The following GASK1A variants were observed in gnomAD, a reference collection of about 807,000 sequenced individuals.
GASK1A encodes the protein Golgi-associated kinase 1A.
In GASK1A, 40 loss-of-function variants were observed where a neutral mutation model predicts 41.2. The observed-to-expected ratio is 0.97, with a 90% CI of 0.75 to 1.27. The LOEUF (loss-of-function observed/expected upper bound fraction) is 1.27. GASK1A is among the 50% of genes most tolerant of loss of function. The pLI, the probability that GASK1A is intolerant of heterozygous loss-of-function variation, is 0.00. For missense variants in GASK1A, 678 were observed against 745.1 expected (o/e 0.91, Z 1.05); for synonymous variants, 316 against 307.1 (o/e 1.03, Z -0.30).
At chr3:43,015,508 G>T (rs996587325) in intron 1 of GASK1A, among the ~76,000 whole-genome samples, 2 of 150,206 alleles carry the variant, frequency 1.3e-5, no homozygotes, top group Admixed American at 6.6e-5. Context: ...GGGGCAGTGT[G>T]AAGCCATAGG....
At chr3:43,001,217 AC>A (rs2089407027) in intron 1 of GASK1A, among the ~76,000 whole-genome samples, 1 of 151,898 alleles carries the variant, frequency 6.6e-6, no homozygotes, top group Non-Finnish European at 1.5e-5. Context: ...CAGAAAGCCG[AC>A]CCCGGGTCAT....
chr3:43,054,108 C>G (rs1347378644), intron 3 of GASK1A: 2 of 282,578 alleles, frequency 7.1e-6, no homozygotes, highest in Admixed American at 4.6e-5. Flanking sequence ...AAACTAGAGT[C>G]CAGGGTGGGA....
intron 2 of GASK1A, 127 bp downstream of exon 2, chr3:43,033,680 G>A (rs1187293626): frequency 3.0e-5 from 25 of 840,184 alleles, no homozygotes; most frequent in Non-Finnish European, 3.6e-5. Context: ...TGACCACCAA[G>A]CACCTGCTTT....
intron 1 of GASK1A, among the ~76,000 whole-genome samples, chr3:43,023,611 C>T (rs1001454000): frequency 1.3e-5 from 2 of 152,144 alleles, no homozygotes; most frequent in Admixed American, 6.6e-5. Flanking sequence ...TTTAACAGTG[C>T]ATATCTATGC....
chr3:43,034,766 G>A (rs931205608), intron 2 of GASK1A, among the ~76,000 whole-genome samples: 35 of 152,310 alleles, frequency 2.3e-4, no homozygotes, highest in African/African-American at 7.9e-4. Context: ...TTGAAAAATT[G>A]GATGGTTTAG....
intron 1 of GASK1A, among the ~76,000 whole-genome samples, chr3:42,989,140 T>A (rs754565288): frequency 6.6e-6 from 1 of 152,044 alleles, no homozygotes; most frequent in Non-Finnish European, 1.5e-5. Context: ...AGGAGATGAA[T>A]GAACTGCAGC....
chr3:43,055,392 C>A (rs1332070760), intron 3 of GASK1A, 40 bp from the exon 4 acceptor site: 2 of 1,465,504 alleles, frequency 1.4e-6, no homozygotes, highest in South Asian at 2.4e-5. Context: ...CGTAGCTGCA[C>A]CCTTACCCAC....
At chr3:42,994,606 A>G (rs1392851966) in intron 1 of GASK1A, among the ~76,000 whole-genome samples, 2 of 151,766 alleles carry the variant, frequency 1.3e-5, no homozygotes, top group Admixed American at 1.3e-4. Context: ...CAAGCAGAAC[A>G]TTTTCTTTGT....
At chr3:42,985,864 A>T (rs941282535) in intron 1 of GASK1A, among the ~76,000 whole-genome samples, 3 of 152,190 alleles carry the variant, frequency 2.0e-5, no homozygotes, top group African/African-American at 7.2e-5. Flanking sequence ...ATTGGTCAGG[A>T]TGCCAGCAAC....
chr3:42,979,787 G>GGGC (rs1282865179), intron 1 of GASK1A, 142 bp downstream of exon 1: 4 of 843,576 alleles, frequency 4.7e-6, no homozygotes, highest in Non-Finnish European at 4.8e-6. Context: ...AAGTTGCATG[G>GGGC]GGCGGCGGCG....
At position 42,979,530 on chromosome 3, in the gene GASK1A, C is replaced by G; in HGVS notation, c.-113C>G. 3 of 1,141,304 alleles carry G rather than the reference C, an allele frequency of 2.6e-6. No homozygotes were observed. The highest frequency in any genetic ancestry group is 8.8e-5 in the South Asian group (2 of 22,674). 70.7% of individuals were successfully genotyped at this position (1,141,304 alleles called of 1,614,324 possible). ...GAAACCCGCCCCAGCCGAGTAGCCG[C>G]GCATCCTGGGAAGCCTGGCGAGCCA... On this transcript the variant is annotated 5_prime_UTR_variant, in exon 1 of 5. Coordinates refer to ENST00000430121, the MANE Select transcript of GASK1A (RefSeq NM_001129908.3).
intron 1 of GASK1A, among the ~76,000 whole-genome samples, chr3:42,992,370 G>C (rs1160048175): frequency 6.6e-6 from 1 of 152,166 alleles, no homozygotes; most frequent in African/African-American, 2.4e-5. Flanking sequence ...GCAATACCAG[G>C]GCCTCCTTGT....
rs1236816837 is a variant in GASK1A at position 43,032,724 on chromosome 3, C to G, written c.461C>G (p.Pro154Arg). Residue 154 changes from proline (P) to arginine (R), a missense_variant, in exon 2 of 5, where the codon CCC becomes CGC. Pro to Arg is a moderately radical substitution (Grantham distance 103). Transcript: ENST00000430121. ...CCAGGAACCAAAGACCTGGGCCACC[C>G]CCAGCATGGCAGTCCCATCCAGGAG... ...GDPGTKDLGH[P>R]QHGSPIQETQ... is the part of the protein sequence containing the mutation. The G allele has an allele frequency of 6.4e-7, 1 of 1,551,526 alleles. No homozygotes were observed.
chr3:43,043,738 G>C (rs1258507712), intron 2 of GASK1A, among the ~76,000 whole-genome samples: 1 of 152,120 alleles, frequency 6.6e-6, no homozygotes, highest in Non-Finnish European at 1.5e-5. Context: ...CAGTCCACAT[G>C]ATTATGTAAC....
intron 2 of GASK1A, among the ~76,000 whole-genome samples, chr3:43,044,647 G>C (rs528703373): frequency 8.5e-5 from 13 of 152,234 alleles, no homozygotes; most frequent in South Asian, 6.2e-4. Context: ...CTTCAAACTG[G>C]GGGTCACAAA....
At chr3:43,047,625 A>G (rs1436203111) in intron 2 of GASK1A, among the ~76,000 whole-genome samples, 1 of 152,074 alleles carries the variant, frequency 6.6e-6, no homozygotes, top group Admixed American at 6.6e-5. Flanking sequence ...TGTTGAGGGG[A>G]GAGGTTCCTT....
chr3:43,037,582 A>G (rs1305421671), intron 2 of GASK1A: 1 of 309,632 alleles, frequency 3.2e-6, no homozygotes, highest in Non-Finnish European at 5.9e-6. Flanking sequence ...GGAAATTCAG[A>G]TCCCTCTTTG....
At chr3:43,013,075 A>C (rs2089471825) in intron 1 of GASK1A, among the ~76,000 whole-genome samples, 1 of 150,882 alleles carries the variant, frequency 6.6e-6, no homozygotes, top group Non-Finnish European at 1.5e-5. Flanking sequence ...GGCAGAGGGA[A>C]GTCACAGGAA....
intron 1 of GASK1A, among the ~76,000 whole-genome samples, chr3:42,992,788 T>G (rs2089347922): frequency 6.6e-6 from 1 of 152,210 alleles, no homozygotes. Flanking sequence ...AATTGAGCAA[T>G]GAATGATTCG....
Sources: allele counts gnomAD v4.1 joint callset (sites outside exome capture counted in the v4.1 genomes callset), GRCh38; gene constraint gnomAD v4.1.1; transcripts MANE v1.5; gene names NCBI Gene and HGNC (gene_info 2026-07-23, HGNC 2026-07-21).